H3C4: variants seen among roughly 807,000 people sequenced by gnomAD.
H3C4 encodes histone H3.1.
A neutral mutation model predicts 8.7 loss-of-function variants in H3C4; 10 were observed. That is an observed-to-expected ratio of 1.15 (90% CI 0.71 to 1.96). The LOEUF (loss-of-function observed/expected upper bound fraction) is 1.96. Among genes scored for constraint, H3C4 ranks in the 30% most tolerant of loss-of-function variants. The pLI is 0.00. For missense variants in H3C4, 216 were observed against 192.9 expected (o/e 1.12, Z -0.71); for synonymous variants, 141 against 80.1 (o/e 1.76, Z -4.06).
upstream of H3C4, among the ~76,000 whole-genome samples, chr6:26,197,477 G>A (rs1486914752): frequency 6.6e-6 from 1 of 151,982 alleles, no homozygotes; most frequent in Non-Finnish European, 1.5e-5. Flanking sequence ...TTTCCCCTCT[G>A]TGCCATGTTT....
Position 26,197,139 on chromosome 6 carries a change from T to A in H3C4, c.112A>T (p.Lys38Ter). 1 of 1,614,134 alleles carries A rather than the reference T, an allele frequency of 6.2e-7. No homozygotes were observed. Among genetic ancestry groups the A allele is most frequent in the South Asian group, 1.1e-5 (1 of 91,080 alleles). ...KSAPATGGVKKPHRYRPGTVA... is the reference protein window; with the variant it reads ...KSAPATGGVK ...GTGCCGGGCCGGTAACGGTGGGGCTTCTTCACGCCGCCGGTGGCTGGAGCG... is the reference window on the plus strand; with the variant it reads ...GTGCCGGGCCGGTAACGGTGGGGCTACTTCACGCCGCCGGTGGCTGGAGCG... Residue 38 changes from lysine (K) to a stop codon, truncating the protein, a stop_gained, in exon 1 of 1, where the codon AAG (lysine) becomes TAG (stop). Coordinates refer to ENST00000356476, the MANE Select transcript of H3C4 (RefSeq NM_001376937.1). LOFTEE classifies it high-confidence loss of function.
At chr6:26,197,914 A>C (rs1418444746), upstream of H3C4, among the ~76,000 whole-genome samples, 1 of 150,038 alleles carries the variant, frequency 6.7e-6, no homozygotes, top group Admixed American at 6.6e-5. Flanking sequence ...CAAATTTATA[A>C]ATGGCACAAA....
Position 26,196,853 on chromosome 6 carries a change from C to G in H3C4, c.398G>C (p.Gly133Ala). 6.2e-7 allele frequency: 1 copy of G among 1,614,216 alleles called. No homozygotes were observed. ...TCACAAGACAATTTACGCCCTCTCCCCACGAATGCGGCGAGCAAGCTGGAT... is the reference window on the plus strand; with the variant it reads ...TCACAAGACAATTTACGCCCTCTCCGCACGAATGCGGCGAGCAAGCTGGAT... ...KDIQLARRIR[G>A]ERA Residue 133 changes from glycine to alanine, a missense_variant, in exon 1 of 1, where the codon GGG becomes GCG. Gly to Ala is a moderately conservative substitution (Grantham distance 60). Coordinates refer to ENST00000356476, the MANE Select transcript of H3C4 (RefSeq NM_001376937.1).
upstream of H3C4, chr6:26,198,913 T>G (rs780472934): frequency 6.2e-7 from 1 of 1,614,232 alleles, no homozygotes; most frequent in Non-Finnish European, 8.5e-7. Context: ...GCCTGGATGT[T>G]GGGCAGAACA....
chr6:26,199,178 G>C (rs138430545), upstream of H3C4: 17 of 1,614,086 alleles, frequency 1.1e-5, no homozygotes, highest in Non-Finnish European at 1.4e-5. Flanking sequence ...ACTGGAGTCC[G>C]GCCCGCGAAG....
At position 26,196,906 on chromosome 6, in the gene H3C4, G is replaced by A. The variant is rs368607006; in HGVS notation, c.345C>T (p.Ala115=). 4.3e-6 allele frequency: 7 copies of A among 1,614,124 alleles called. No homozygotes were observed. The African/African-American group carries it at 5.3e-5, about 12-fold the overall frequency. ...FEDTNLCAIH[A]KRVTIMPKDI... ...CCTTGGGCATGATAGTCACTCGCTT[G>A]GCGTGAATGGCGCATAGGTTGGTGT... is the stretch of plus-strand genomic sequence containing the variant. The change falls in exon 1 of 1, where the codon GCC becomes GCT. Residue 115 remains alanine (A), a synonymous_variant. Transcript: ENST00000356476.
At chr6:26,198,731 A>G (rs1180874105), upstream of H3C4, 2 of 990,554 alleles carry the variant, frequency 2.0e-6, no homozygotes, top group Non-Finnish European at 3.0e-6. Flanking sequence ...TTATTAAAGA[A>G]AACTGCAAAA....
In H3C4 at chr6:26,197,285, A is replaced by C; in HGVS notation, c.-35T>G. 6.3e-7 allele frequency: 1 copy of C among 1,588,838 alleles called. No homozygotes were observed. The highest frequency in any genetic ancestry group is 8.5e-7 in the Non-Finnish European group (1 of 1,171,972). On this transcript the variant is annotated 5_prime_UTR_variant, in exon 1 of 1. Transcript: ENST00000356476. ...CTAAACCCTGCTAAATGACGAAAAAACGAAAGTCTAGCCTTTCGTACCCGT... is the reference window on the plus strand; with the variant it reads ...CTAAACCCTGCTAAATGACGAAAAACCGAAAGTCTAGCCTTTCGTACCCGT...
At chr6:26,198,443 T>C (rs2113858701), upstream of H3C4, among the ~76,000 whole-genome samples, 1 of 152,358 alleles carries the variant, frequency 6.6e-6, no homozygotes, top group South Asian at 2.1e-4. Context: ...CATTTTCTCC[T>C]GCCTCAACCT....
Position 26,196,969 on chromosome 6 carries a change from C to G in H3C4, c.282G>C (p.Gln94His). Residue 94 changes from glutamine to histidine, a missense_variant, in exon 1 of 1, where the codon CAG (glutamine) becomes CAC (histidine). Physicochemically the swap from Gln to His is conservative, Grantham distance 24. Transcript: ENST00000356476. ...CCACCAGGTAGGCCTCGCAGGCCTC[C>G]TGCAGCGCCATCACCGCCGAGCTCT... ...RFQSSAVMAL[Q>H]EACEAYLVGL... 1 of 1,614,116 alleles carries G rather than the reference C, an allele frequency of 6.2e-7. No individual in the cohort carries two copies. The highest frequency in any genetic ancestry group is 8.5e-7 in the Non-Finnish European group (1 of 1,180,024).
rs1764983126 is a variant in H3C4 at position 26,196,961 on chromosome 6, C to T, written c.290G>A (p.Cys97Tyr). 1.9e-6 allele frequency: 3 copies of T among 1,614,112 alleles called. No individual in the cohort carries two copies. The highest frequency in any genetic ancestry group is 2.5e-6 in the Non-Finnish European group (3 of 1,180,026). The change falls in exon 1 of 1, where the codon TGC becomes TAC. Residue 97 changes from cysteine (C) to tyrosine (Y), a missense_variant. By Grantham distance (194) the Cys-to-Tyr change is radical (BLOSUM62 -2). Transcript: ENST00000356476. ...AAACAGCCCCACCAGGTAGGCCTCG[C>T]AGGCCTCCTGCAGCGCCATCACCGC... is the stretch of plus-strand genomic sequence containing the variant. ...SSAVMALQEA[C>Y]EAYLVGLFED...
chr6:26,198,777 G>A (rs1765048092), upstream of H3C4: 5 of 1,445,330 alleles, frequency 3.5e-6, no homozygotes, highest in South Asian at 1.2e-5. Context: ...CCCTTTTAAG[G>A]AATACATGGG....
upstream of H3C4, chr6:26,198,884 C>T (rs777723358): frequency 1.9e-6 from 3 of 1,614,192 alleles, no homozygotes; most frequent in African/African-American, 1.3e-5. Context: ...GACTCTCAGT[C>T]TTCTTGGGGA....
At chr6:26,197,557 C>T (rs1256661510), upstream of H3C4, among the ~76,000 whole-genome samples, 1 of 151,940 alleles carries the variant, frequency 6.6e-6, no homozygotes, top group Non-Finnish European at 1.5e-5. Context: ...GATGACGTGT[C>T]TTAATTTTTT....
upstream of H3C4, chr6:26,198,904 C>A: frequency 6.2e-7 from 1 of 1,614,236 alleles, no homozygotes; most frequent in Non-Finnish European, 8.5e-7. Context: ...AGCAGTACAG[C>A]CTGGATGTTG....
chr6:26,197,082 T>TC lies in H3C4; in HGVS notation c.168dup (p.Lys57GlufsTer18), dbSNP rs1195440366. 1.2e-6 allele frequency: 2 copies of TC among 1,614,186 alleles called. No individual in the cohort carries two copies. Among genetic ancestry groups the TC allele is most frequent in the South Asian group, 2.2e-5 (2 of 91,080 alleles). On this transcript the variant is annotated frameshift_variant, in exon 1 of 1. Transcript: ENST00000356476. LOFTEE classifies it high-confidence loss of function. ...TTGCGAATCAGCAGCTCGGTCGACT[T>TC]CTGGTAGCGGCGGATCTCGCGCAGA...
upstream of H3C4, chr6:26,199,043 C>A (rs1440891316): frequency 6.2e-7 from 1 of 1,614,104 alleles, no homozygotes; most frequent in South Asian, 1.1e-5. Flanking sequence ...CGGCGTTGCC[C>A]GCCAGCTCCA....
At position 26,196,879 on chromosome 6, in the gene H3C4, G is replaced by A. The variant is rs1561980325; in HGVS notation, c.372C>T (p.Asp124=). ...HAKRVTIMPK[D]IQLARRIRGE... ...CACGAATGCGGCGAGCAAGCTGGAT[G>A]TCCTTGGGCATGATAGTCACTCGCT... The change falls in exon 1 of 1, where the codon GAC becomes GAT. Residue 124 remains aspartate (D), a synonymous_variant. Transcript: ENST00000356476. 12 of 1,614,230 alleles carry A rather than the reference G, an allele frequency of 7.4e-6. No individual in the cohort carries two copies. Among genetic ancestry groups the A allele is most frequent in the Non-Finnish European group, 1.0e-5 (12 of 1,180,034 alleles).
At chr6:26,198,985 C>G, upstream of H3C4, 1 of 1,614,208 alleles carries the variant, frequency 6.2e-7, no homozygotes, top group Non-Finnish European at 8.5e-7. Flanking sequence ...TTGCGGATGG[C>G]CAGCTGCAGG....
Sources: gnomAD v4.1 joint callset for allele counts (sites outside exome capture counted in the v4.1 genomes callset) on GRCh38, gnomAD v4.1.1 for gene constraint, MANE v1.5 for transcripts, NCBI Gene and HGNC (gene_info 2026-07-23, HGNC 2026-07-21) for gene names.